The following NDUFB4 variants were observed in gnomAD, a reference collection of about 807,000 sequenced individuals.
NDUFB4 encodes NADH:ubiquinone oxidoreductase subunit B4.
In NDUFB4, 10 loss-of-function variants were observed where a neutral mutation model predicts 14.5. That is an observed-to-expected ratio of 0.69 (90% confidence interval 0.43 to 1.17). The LOEUF is 1.17. NDUFB4 is among the 50% of genes most tolerant of loss of function. The probability of loss-of-function intolerance (pLI) is 0.00; values close to 1 mark genes in which losing one functional copy is unlikely to be tolerated. For missense variants in NDUFB4, 165 were observed against 161.1 expected, an observed-to-expected ratio of 1.02 and a Z score of -0.13; for synonymous variants, 65 against 63.4, an observed-to-expected ratio of 1.03 and a Z score of -0.12.
At chr3:120,601,035 A>G in intron 1 of NDUFB4, 76 bp from the exon 2 acceptor site, 1 of 1,361,878 alleles carries the variant, frequency 7.3e-7, no homozygotes, top group Non-Finnish European at 1.0e-6. Flanking sequence ...GTGCTCCTTC[A>G]CAAAAGTCCC....
intron 2 of NDUFB4, 101 bp from the exon 3 acceptor site, chr3:120,602,107 A>G: frequency 6.6e-7 from 1 of 1,525,168 alleles, no homozygotes; most frequent in Middle Eastern, 1.9e-4. Flanking sequence ...GGTTGTGCCA[A>G]AATGCAGTTT....
chr3:120,600,428 G>A (rs1261950736), intron 1 of NDUFB4, among the ~76,000 whole-genome samples: 2 of 152,034 alleles, frequency 1.3e-5, no homozygotes, highest in African/African-American at 2.4e-5. Flanking sequence ...AGTTATTCTA[G>A]TATAAATATA....
intron 1 of NDUFB4, among the ~76,000 whole-genome samples, chr3:120,598,622 A>G (rs1583654): frequency 0.18 from 28,123 of 152,120 alleles, 3,364 homozygotes; most frequent in East Asian, 0.57. Context: ...AGCAGCTACA[A>G]TCTTAGGCCC....
chr3:120,596,966 A>T (rs1318560765), intron 1 of NDUFB4, among the ~76,000 whole-genome samples: 1 of 145,796 alleles, frequency 6.9e-6, no homozygotes, highest in East Asian at 2.0e-4. Context: ...ATATTATATT[A>T]TATATATATT....
chr3:120,601,072 T>C (rs765391253), intron 1 of NDUFB4, 39 bp from the exon 2 acceptor site: 1 of 1,558,566 alleles, frequency 6.4e-7, no homozygotes, highest in Non-Finnish European at 8.7e-7. Context: ...AATGTGATCC[T>C]TCTTAAGTTC....
chr3:120,602,350 T>G lies in NDUFB4; in HGVS notation c.*80T>G. ...TTAAGTAGTAGTTTCTCTTTCTTAGTATTACCTTGATTCAATGTTAAAAAC... is the reference window on the plus strand; with the variant it reads ...TTAAGTAGTAGTTTCTCTTTCTTAGGATTACCTTGATTCAATGTTAAAAAC... On this transcript the variant is annotated 3_prime_UTR_variant, in exon 3 of 3. Transcript: ENST00000184266. The G allele has an allele frequency of 5.3e-6, 7 of 1,330,210 alleles. No individual in the cohort carries two copies. In the South Asian group the frequency reaches 7.9e-5, roughly 15 times the overall value. 82.4% of individuals were successfully genotyped at this position (1,330,210 alleles called of 1,614,324 possible).
intron 1 of NDUFB4, chr3:120,600,891 A>C: frequency 3.9e-6 from 2 of 513,380 alleles, no homozygotes; most frequent in Non-Finnish European, 6.8e-6. Flanking sequence ...TAGTGATATG[A>C]GCCTTCTACA....
At chr3:120,599,101 A>G (rs369541242) in intron 1 of NDUFB4, among the ~76,000 whole-genome samples, 1 of 152,172 alleles carries the variant, frequency 6.6e-6, no homozygotes, top group African/African-American at 2.4e-5. Context: ...GATGTGGTGT[A>G]TGAAAGAGGA....
chr3:120,602,383 AC>A lies in NDUFB4; in HGVS notation c.*116del. ...TGATTCAATGTTAAAAACTATTAAC[AC>A]CCTAACAACACAGAAGCAGACGCAG... is the stretch of plus-strand genomic sequence containing the variant. On this transcript the variant is annotated 3_prime_UTR_variant, in exon 3 of 3. Transcript: ENST00000184266. 4.9e-6 allele frequency: 5 copies of A among 1,025,210 alleles called. No individual in the cohort carries two copies. In the South Asian group the frequency reaches 8.5e-5, roughly 17 times the overall value. 63.5% of individuals were successfully genotyped at this position (1,025,210 alleles called of 1,614,324 possible). A position where few individuals can be genotyped will look rare whatever the true frequency, so the allele number is the denominator to read the frequency against.
In NDUFB4 at chr3:120,602,380, A is replaced by C; in HGVS notation, c.*110A>C. 5.7e-6 allele frequency: 6 copies of C among 1,050,766 alleles called. No homozygotes were observed. The allele number at this position is 1,050,766 out of a possible 1,614,324, so 65.1% of individuals were successfully genotyped here. On this transcript the variant is annotated 3_prime_UTR_variant, in exon 3 of 3. Coordinates refer to ENST00000184266, the MANE Select transcript of NDUFB4 (RefSeq NM_004547.6). ...CCTTGATTCAATGTTAAAAACTATTAACACCCTAACAACACAGAAGCAGAC... is the reference window on the plus strand; with the variant it reads ...CCTTGATTCAATGTTAAAAACTATTCACACCCTAACAACACAGAAGCAGAC...
At chr3:120,598,886 G>C (rs1940010402) in intron 1 of NDUFB4, among the ~76,000 whole-genome samples, 1 of 152,170 alleles carries the variant, frequency 6.6e-6, no homozygotes, top group African/African-American at 2.4e-5. Flanking sequence ...ACTGAATAGA[G>C]AATTTCGTGA....
intron 2 of NDUFB4, 49 bp from the exon 3 acceptor site, chr3:120,602,159 A>T: frequency 6.3e-7 from 1 of 1,585,278 alleles, no homozygotes; most frequent in Non-Finnish European, 8.5e-7. Flanking sequence ...TAATATAGCC[A>T]ACTGGCAGAA....
chr3:120,598,060 T>A (rs1370000528), intron 1 of NDUFB4, among the ~76,000 whole-genome samples: 1 of 151,838 alleles, frequency 6.6e-6, no homozygotes, highest in African/African-American at 2.4e-5. Context: ...ATTTTTTTTT[T>A]TTTTTCCCTT....
Position 120,596,338 on chromosome 3 carries a change from A to C in NDUFB4, c.-22A>C. 6.2e-7 allele frequency: 1 copy of C among 1,613,314 alleles called. No individual in the cohort carries two copies. Among genetic ancestry groups the C allele is most frequent in the Non-Finnish European group, 8.5e-7 (1 of 1,179,628 alleles). On this transcript the variant is annotated 5_prime_UTR_variant, in exon 1 of 3. Coordinates refer to ENST00000184266, the MANE Select transcript of NDUFB4 (RefSeq NM_004547.6). ...AAGGGCCTCAGAATCGCGCAGGCGC[A>C]ATTGTGCCCTGGTTCGCCAAGATGT...
intron 1 of NDUFB4, among the ~76,000 whole-genome samples, chr3:120,599,544 A>G (rs1297943344): frequency 1.3e-5 from 2 of 152,094 alleles, no homozygotes; most frequent in Non-Finnish European, 2.9e-5. Flanking sequence ...TCAAGTGAAG[A>G]CATGATTTTC....
chr3:120,598,354 A>G lies in NDUFB4; in HGVS notation c.180+1815A>G, dbSNP rs571631572. On this transcript the variant is annotated intron_variant, in intron 1 of 2. Transcript: ENST00000184266. ...CAGACTTGAGCCACTGTGCCTGGCC[A>G]TCTTGCCTAATCTTTAAGAATGATT... Among the ~76,000 whole-genome samples the G allele has an allele frequency of 3.9e-5, 6 of 152,164 alleles. No homozygotes were observed. The East Asian group carries it at 1.2e-3, about 29-fold the overall frequency.
intron 2 of NDUFB4, 57 bp downstream of exon 2, chr3:120,601,314 C>A: frequency 6.2e-7 from 1 of 1,605,066 alleles, no homozygotes; most frequent in Non-Finnish European, 8.5e-7. Context: ...TTCTAGGGAC[C>A]AGCTGCAGCT....
At chr3:120,598,992 A>G (rs553483846) in intron 1 of NDUFB4, among the ~76,000 whole-genome samples, 8 of 152,148 alleles carry the variant, frequency 5.3e-5, no homozygotes, top group Non-Finnish European at 8.8e-5. Flanking sequence ...TAGTAATCCA[A>G]TCTCTGTTGA....
chr3:120,601,294 T>C (rs962938222), intron 2 of NDUFB4, 37 bp downstream of exon 2: 1 of 1,611,116 alleles, frequency 6.2e-7, no homozygotes, highest in Admixed American at 1.7e-5. Context: ...ATTTGAGTGA[T>C]AGGTTCACTT....
Sources: allele counts gnomAD v4.1 joint callset (sites outside exome capture counted in the v4.1 genomes callset), GRCh38; gene constraint gnomAD v4.1.1; transcripts MANE v1.5; gene names NCBI Gene and HGNC (gene_info 2026-07-23, HGNC 2026-07-21).